NUTF2: variants seen among roughly 807,000 people sequenced by gnomAD.
The protein encoded by NUTF2 is nuclear transport factor 2.
Under a neutral mutation model 18.5 loss-of-function variants are expected in NUTF2, and 3 were observed. The observed-to-expected ratio is 0.16, with a 90% CI of 0.07 to 0.42. NUTF2 has a LOEUF of 0.42. Ranked by LOEUF, NUTF2 falls within the 10% of genes least tolerant of loss-of-function variation. The pLI is 0.99. For missense variants in NUTF2, 44 were observed against 160.7 expected (o/e 0.27, Z 3.93); for synonymous variants, 51 against 57.9 (o/e 0.88, Z 0.54).
intron 1 of NUTF2, chr16:67,847,459 A>G (rs2057813427): frequency 6.6e-6 from 1 of 152,158 alleles, no homozygotes; most frequent in African/African-American, 2.4e-5. Flanking sequence ...CAGCATGGGT[A>G]AGGGCGCCCG....
At chr16:67,855,016 T>G (rs1472013535) in intron 1 of NUTF2, among the ~76,000 whole-genome samples, 1 of 152,008 alleles carries the variant, frequency 6.6e-6, no homozygotes, top group East Asian at 1.9e-4. Flanking sequence ...TGGTTTGTTT[T>G]TTTTTTTAAT....
At chr16:67,851,424 T>G (rs2151294209) in intron 1 of NUTF2, among the ~76,000 whole-genome samples, 1 of 151,884 alleles carries the variant, frequency 6.6e-6, no homozygotes, top group South Asian at 2.1e-4. Context: ...GACGTTGCAG[T>G]GAGCCAAGAT....
intron 1 of NUTF2, among the ~76,000 whole-genome samples, chr16:67,849,879 C>T (rs1009270385): frequency 1.3e-5 from 2 of 151,782 alleles, no homozygotes; most frequent in African/African-American, 4.8e-5. Context: ...AGGATGGTCT[C>T]GATCTCCTGA....
At chr16:67,864,676 G>C (rs1047801542) in intron 1 of NUTF2, among the ~76,000 whole-genome samples, 1 of 152,118 alleles carries the variant, frequency 6.6e-6, no homozygotes, top group African/African-American at 2.4e-5. Flanking sequence ...GCTGTAAAGT[G>C]GGAAGAATAG....
intron 4 of NUTF2, among the ~76,000 whole-genome samples, chr16:67,869,111 TCTCA>T (rs1567385889): frequency 6.8e-6 from 1 of 147,030 alleles, no homozygotes; most frequent in African/African-American, 2.5e-5. Flanking sequence ...TGAGACGGAG[TCTCA>T]CTCTTGTTGC....
At chr16:67,870,175 T>C (rs548265022) in intron 4 of NUTF2, 2 of 152,590 alleles carry the variant, frequency 1.3e-5, no homozygotes, top group African/African-American at 2.4e-5. Context: ...TTCTTCCTGG[T>C]GATTCTGTCC....
At position 67,871,162 on chromosome 16, in the gene NUTF2, C is replaced by CTT. The variant is rs1208303500; in HGVS notation, c.*270_*271dup. 3,924 of 150,660 alleles carry CTT rather than the reference C, an allele frequency of 0.026. 81 individuals carry two copies. The highest frequency in any genetic ancestry group is 0.067 in the Middle Eastern group (25 of 374). 9.3% of individuals were successfully genotyped at this position (150,660 alleles called of 1,614,324 possible). A position where few individuals can be genotyped will look rare whatever the true frequency, so the allele number is the denominator to read the frequency against. ...GACTTAAGTAATGCAAAAGGTTGTCCTTTTTTTTTTTTTTTTTTTTTTAAT... is the reference window on the plus strand; with the variant it reads ...GACTTAAGTAATGCAAAAGGTTGTCCTTTTTTTTTTTTTTTTTTTTTTTTAAT... On this transcript the variant is annotated 3_prime_UTR_variant, in exon 5 of 5. Transcript: ENST00000219169.
intron 2 of NUTF2, 29 bp from the exon 3 acceptor site, chr16:67,868,311 A>G (rs2057988268): frequency 6.2e-7 from 1 of 1,609,620 alleles, no homozygotes; most frequent in Non-Finnish European, 8.5e-7. Context: ...CTGAGGCCCC[A>G]ACCCTGGGGT....
intron 1 of NUTF2, among the ~76,000 whole-genome samples, chr16:67,855,363 G>T (rs1351559964): frequency 6.6e-6 from 1 of 152,226 alleles, no homozygotes; most frequent in Non-Finnish European, 1.5e-5. Context: ...CTGCCTAGGG[G>T]CCACAGGGCT....
intron 1 of NUTF2, among the ~76,000 whole-genome samples, chr16:67,852,183 T>C (rs1437042939): frequency 1.3e-5 from 2 of 151,924 alleles, no homozygotes; most frequent in African/African-American, 4.8e-5. Context: ...GCCAGTGTGG[T>C]TGTGGTGTTG....
intron 1 of NUTF2, among the ~76,000 whole-genome samples, chr16:67,857,805 C>T (rs1387291184): frequency 6.6e-6 from 1 of 152,250 alleles, no homozygotes; most frequent in African/African-American, 2.4e-5. Context: ...CCCCAATTGC[C>T]ACATGCCATA....
intron 2 of NUTF2, 71 bp from the exon 3 acceptor site, chr16:67,868,269 A>G: frequency 1.4e-6 from 2 of 1,410,418 alleles, no homozygotes; most frequent in East Asian, 2.3e-5. Flanking sequence ...CCCTTTTCAG[A>G]GTCTTTCCAG....
chr16:67,849,298 G>A (rs2057833957), intron 1 of NUTF2, among the ~76,000 whole-genome samples: 2 of 152,196 alleles, frequency 1.3e-5, no homozygotes, highest in South Asian at 2.1e-4. Context: ...TACGGCTATG[G>A]CGTAGTTTGC....
At chr16:67,855,337 C>T (rs1395668572) in intron 1 of NUTF2, among the ~76,000 whole-genome samples, 6 of 152,176 alleles carry the variant, frequency 3.9e-5, no homozygotes, top group African/African-American at 7.2e-5. Context: ...GAGAGGGACA[C>T]GAGGCCCAGG....
At chr16:67,860,323 G>A (rs1323900423) in intron 1 of NUTF2, among the ~76,000 whole-genome samples, 1 of 152,050 alleles carries the variant, frequency 6.6e-6, no homozygotes, top group Non-Finnish European at 1.5e-5. Flanking sequence ...CACTCAGGGT[G>A]GATTGCAGTG....
At chr16:67,851,664 C>T (rs1457698726) in intron 1 of NUTF2, among the ~76,000 whole-genome samples, 2 of 152,198 alleles carry the variant, frequency 1.3e-5, no homozygotes, top group Non-Finnish European at 1.5e-5. Flanking sequence ...CCGCTACCCC[C>T]GCCCCAGGAC....
At position 67,865,092 on chromosome 16, in the gene NUTF2, G is replaced by T; in HGVS notation, c.-29-10G>T. 2 of 1,395,268 alleles carry T rather than the reference G, an allele frequency of 1.4e-6. No homozygotes were observed. The highest frequency in any genetic ancestry group is 2.0e-6 in the Non-Finnish European group (2 of 984,630). 86.4% of individuals were successfully genotyped at this position (1,395,268 alleles called of 1,614,324 possible). A position where few individuals can be genotyped will look rare whatever the true frequency, so the allele number is the denominator to read the frequency against. ...CCAATGCTTCCCTCCTGGTCTCATT[G>T]GTCTTGCAGGTCTCCGTGAGGCCGG... On this transcript the variant is annotated splice_polypyrimidine_tract_variant and intron_variant, in intron 1 of 4. Transcript: ENST00000219169.
At chr16:67,847,204 G>A (rs974786855) in intron 1 of NUTF2, 1 of 151,880 alleles carries the variant, frequency 6.6e-6, no homozygotes, top group Non-Finnish European at 1.5e-5. Context: ...AGAGCCAGCC[G>A]GGCGCCTATC....
chr16:67,852,744 A>T (rs2057869356), intron 1 of NUTF2, among the ~76,000 whole-genome samples: 1 of 150,906 alleles, frequency 6.6e-6, no homozygotes, highest in Admixed American at 6.6e-5. Context: ...CAATGGCGTG[A>T]TCTCGGCTCA....
Sources: allele counts gnomAD v4.1 joint callset (sites outside exome capture counted in the v4.1 genomes callset), GRCh38; gene constraint gnomAD v4.1.1; transcripts MANE v1.5; gene names NCBI Gene and HGNC (gene_info 2026-07-23, HGNC 2026-07-21).